UNC5D: variants seen among roughly 807,000 people sequenced by gnomAD.
The protein encoded by UNC5D is unc-5 netrin receptor D, also known as netrin receptor UNC5D.
A neutral mutation model predicts 105.4 loss-of-function variants in UNC5D; 39 were observed. That is an observed-to-expected ratio of 0.37 (90% CI 0.29 to 0.48). The LOEUF (loss-of-function observed/expected upper bound fraction) is 0.48, where lower values mean the gene tolerates loss of function less well. Among genes scored for constraint, UNC5D ranks in the 20% least tolerant of loss-of-function variants. UNC5D has a pLI of 0.98. For synonymous variants in UNC5D, 452 were observed against 450.4 expected, an observed-to-expected ratio of 1.00 and a Z score of -0.04; for missense variants, 991 against 1,202.4, an observed-to-expected ratio of 0.82 and a Z score of 2.60.
chr8:35,352,213 T>C (rs1230533624), intron 1 of UNC5D, among the ~76,000 whole-genome samples: 1 of 152,036 alleles, frequency 6.6e-6, no homozygotes, highest in East Asian at 1.9e-4. Context: ...ACACATAAGA[T>C]GGTTATTATG....
intron 4 of UNC5D, among the ~76,000 whole-genome samples, chr8:35,627,184 A>G (rs1821742096): frequency 6.6e-6 from 1 of 152,246 alleles, no homozygotes; most frequent in Admixed American, 6.5e-5. Flanking sequence ...CATAGGTTCC[A>G]TTACATTAGC....
At chr8:35,402,432 T>C (rs1181419644) in intron 1 of UNC5D, among the ~76,000 whole-genome samples, 1 of 151,812 alleles carries the variant, frequency 6.6e-6, no homozygotes, top group Admixed American at 6.6e-5. Flanking sequence ...ACCGGAACAG[T>C]ATGTGGAAAA....
chr8:35,610,972 A>G (rs1165855307), intron 4 of UNC5D, among the ~76,000 whole-genome samples: 2 of 148,728 alleles, frequency 1.3e-5, no homozygotes, highest in African/African-American at 2.5e-5. Context: ...AAATGAGAAA[A>G]AATGTTTTCT....
chr8:35,288,127 A>G (rs1806749833), intron 1 of UNC5D, among the ~76,000 whole-genome samples: 1 of 152,144 alleles, frequency 6.6e-6, no homozygotes, highest in African/African-American at 2.4e-5. Context: ...AATCAAATTG[A>G]ACCCAAAGAG....
intron 1 of UNC5D, among the ~76,000 whole-genome samples, chr8:35,278,571 G>A (rs1242492588): frequency 7.3e-6 from 1 of 136,674 alleles, no homozygotes. Context: ...TGTTGCTAGG[G>A]ATGTAAATTT....
intron 11 of UNC5D, among the ~76,000 whole-genome samples, chr8:35,743,427 G>A (rs555179682): frequency 2.0e-5 from 3 of 151,432 alleles, no homozygotes; most frequent in East Asian, 2.0e-4. Context: ...GCACCACCAC[G>A]CCTGACTAAT....
chr8:35,587,501 A>T (rs1441991097), intron 3 of UNC5D, among the ~76,000 whole-genome samples: 1 of 152,204 alleles, frequency 6.6e-6, no homozygotes, highest in Non-Finnish European at 1.5e-5. Context: ...TTCAACAAAT[A>T]TGTATTAAGT....
intron 11 of UNC5D, among the ~76,000 whole-genome samples, chr8:35,741,533 T>A: frequency 6.6e-6 from 1 of 152,166 alleles, no homozygotes; most frequent in East Asian, 1.9e-4. Context: ...GTTATAACAT[T>A]ATTTCCAGTT....
chr8:35,269,230 G>A (rs889781152), intron 1 of UNC5D, among the ~76,000 whole-genome samples: 2 of 152,138 alleles, frequency 1.3e-5, no homozygotes, highest in African/African-American at 4.8e-5. Context: ...AATGATATCT[G>A]GACTATTCTC....
At chr8:35,754,483 G>A (rs1830426806) in intron 13 of UNC5D, among the ~76,000 whole-genome samples, 1 of 152,172 alleles carries the variant, frequency 6.6e-6, no homozygotes. Context: ...GTGCGGGGTT[G>A]CATCTTTCAC....
At chr8:35,568,359 T>C in intron 3 of UNC5D, 118 bp downstream of exon 3, 1 of 1,334,386 alleles carries the variant, frequency 7.5e-7, no homozygotes, top group Non-Finnish European at 1.0e-6. Context: ...AGGTCTTAAA[T>C]TTACTCTTCT....
intron 2 of UNC5D, among the ~76,000 whole-genome samples, chr8:35,558,627 C>T (rs1272744569): frequency 6.6e-6 from 1 of 152,132 alleles, no homozygotes; most frequent in African/African-American, 2.4e-5. Context: ...CCAGGCATCA[C>T]AGGGGCTGAG....
Position 35,587,175 on chromosome 8 carries a change from CTTG to C in UNC5D, c.467-8375_467-8373del, listed in dbSNP as rs894774250. Among the ~76,000 whole-genome samples the C allele has an allele frequency of 2.2e-4, 33 of 152,042 alleles. 1 individual carries two copies. The highest frequency in any genetic ancestry group is 7.0e-4 in the African/African-American group (29 of 41,396). On this transcript the variant is annotated intron_variant, in intron 3 of 16. Coordinates refer to ENST00000404895, the MANE Select transcript of UNC5D (RefSeq NM_080872.4). ...GTCTTTGATTCCAGGCATTGTGGGT[CTTG>C]TTGGCATTCTGCTGTGGAACTGAAC...
chr8:35,438,752 T>C (rs1189925306), intron 1 of UNC5D, among the ~76,000 whole-genome samples: 1 of 151,972 alleles, frequency 6.6e-6, no homozygotes, highest in African/African-American at 2.4e-5. Flanking sequence ...GTGAAAACTC[T>C]AGTGAATGAT....
At chr8:35,411,470 T>C (rs1243798317) in intron 1 of UNC5D, among the ~76,000 whole-genome samples, 1 of 152,070 alleles carries the variant, frequency 6.6e-6, no homozygotes, top group Non-Finnish European at 1.5e-5. Flanking sequence ...GCAGAGATTT[T>C]ATGAAAGCCA....
chr8:35,363,038 T>G (rs1801935690), intron 1 of UNC5D, among the ~76,000 whole-genome samples: 1 of 152,192 alleles, frequency 6.6e-6, no homozygotes, highest in Admixed American at 6.5e-5. Context: ...TGTCCTCATC[T>G]TAGTCTCCAA....
intron 1 of UNC5D, among the ~76,000 whole-genome samples, chr8:35,419,845 A>T (rs973628537): frequency 1.1e-4 from 17 of 152,118 alleles, no homozygotes; most frequent in Non-Finnish European, 7.3e-5. Context: ...TGGACAACGG[A>T]GAGTGAGGAA....
intron 1 of UNC5D, among the ~76,000 whole-genome samples, chr8:35,400,143 C>T (rs1168169871): frequency 6.6e-6 from 1 of 151,990 alleles, no homozygotes; most frequent in African/African-American, 2.4e-5. Context: ...TTGCACCAGC[C>T]TTGGAAGCAT....
In UNC5D at chr8:35,744,490, T is replaced by C. The variant is rs73586728; in HGVS notation, c.1767-4037T>C. Among the ~76,000 whole-genome samples the C allele has an allele frequency of 3.4e-3, 516 of 152,352 alleles. 4 individuals carry two copies. The highest frequency in any genetic ancestry group is 0.012 in the African/African-American group (495 of 41,580). On this transcript the variant is annotated intron_variant, in intron 11 of 16. Transcript: ENST00000404895. ...ATTGATGGTTTACTATATTTATTAG[T>C]TGGTTTTCTCTTGTGTGGAGGAGTT...
Sources: gnomAD v4.1 joint callset for allele counts (sites outside exome capture counted in the v4.1 genomes callset) on GRCh38, gnomAD v4.1.1 for gene constraint, MANE v1.5 for transcripts, NCBI Gene and HGNC (gene_info 2026-07-23, HGNC 2026-07-21) for gene names.